PTPRK: variants seen among roughly 807,000 people sequenced by gnomAD.
PTPRK encodes protein tyrosine phosphatase receptor type K, also known as receptor-type tyrosine-protein phosphatase kappa.
Under a neutral mutation model 178.0 loss-of-function variants are expected in PTPRK, and 75 were observed. That is an observed-to-expected ratio of 0.42 (90% CI 0.35 to 0.51). The LOEUF is 0.51. Ranked by LOEUF, PTPRK falls within the 20% of genes least tolerant of loss-of-function variation. The pLI is 0.02. For synonymous variants in PTPRK, 637 were observed against 620.6 expected, an observed-to-expected ratio of 1.03 and a Z score of -0.39; for missense variants, 1,441 against 1,797.8, an observed-to-expected ratio of 0.80 and a Z score of 3.59.
chr6:128,312,733 G>A lies in PTPRK; in HGVS notation c.495+9306C>T, dbSNP rs182810443. On this transcript the variant is annotated intron_variant, in intron 3 of 29. Coordinates refer to ENST00000368226, the MANE Select transcript of PTPRK (RefSeq NM_002844.4). ...TCTTAGTGGACTTTATATTCTCTAA[G>A]GAAAAGTATAAAATTGTTTTCATTT... Among the ~76,000 whole-genome samples, 592 of 151,938 alleles carry A rather than the reference G, an allele frequency of 3.9e-3. 3 individuals carry two copies. The highest frequency in any genetic ancestry group is 0.013 in the African/African-American group (552 of 41,464).
intron 1 of PTPRK, among the ~76,000 whole-genome samples, chr6:128,400,612 AT>A (rs1840892954): frequency 6.6e-6 from 1 of 152,126 alleles, no homozygotes; most frequent in Non-Finnish European, 1.5e-5. Flanking sequence ...GAGGAAAATA[AT>A]TTGTTTCAAC....
chr6:128,208,639 A>G (rs1341950758), intron 6 of PTPRK, among the ~76,000 whole-genome samples: 1 of 152,158 alleles, frequency 6.6e-6, no homozygotes, highest in Non-Finnish European at 1.5e-5. Context: ...TTTTCCATTT[A>G]GTTAAAAAAC....
intron 6 of PTPRK, among the ~76,000 whole-genome samples, chr6:128,198,177 A>C (rs994762517): frequency 6.6e-6 from 1 of 152,176 alleles, no homozygotes; most frequent in African/African-American, 2.4e-5. Flanking sequence ...TATGCCACTA[A>C]GTTTTATGAT....
chr6:128,109,158 G>A (rs1171663353), intron 7 of PTPRK, among the ~76,000 whole-genome samples: 5 of 152,096 alleles, frequency 3.3e-5, no homozygotes, highest in African/African-American at 1.2e-4. Context: ...CAATATTAGA[G>A]TAGCAAAATG....
At chr6:128,350,070 C>T (rs574270886) in intron 2 of PTPRK, among the ~76,000 whole-genome samples, 1 of 152,194 alleles carries the variant, frequency 6.6e-6, no homozygotes, top group South Asian at 2.1e-4. Flanking sequence ...AAACTATGTA[C>T]TAAGTCCATG....
chr6:128,520,402 C>T lies in PTPRK; in HGVS notation c.-44G>A. On this transcript the variant is annotated 5_prime_UTR_variant, in exon 1 of 30. Transcript: ENST00000368226. The stretch of plus-strand genomic sequence containing the variant: ...TTCAAGCAGCTTTGCAAAGAGCTGC[C>T]GGGGGGATCGCCGCGAAATCCACGA... 6.5e-7 allele frequency: 1 copy of T among 1,545,020 alleles called. No homozygotes were observed. The highest frequency in any genetic ancestry group is 8.8e-7 in the Non-Finnish European group (1 of 1,137,450).
At chr6:128,236,343 CTTTTTTTTTTTTT>C (rs35553541) in intron 5 of PTPRK, among the ~76,000 whole-genome samples, 1 of 108,084 alleles carries the variant, frequency 9.3e-6, no homozygotes, top group African/African-American at 3.5e-5. Context: ...TTCTAAATTT[CTTTTTTTTTTTTT>C]TTTTTTTTTT....
intron 2 of PTPRK, among the ~76,000 whole-genome samples, chr6:128,344,440 A>G (rs1832121504): frequency 6.6e-6 from 1 of 152,168 alleles, no homozygotes; most frequent in African/African-American, 2.4e-5. Flanking sequence ...ATGATACCCT[A>G]TAACGTACAA....
chr6:128,310,060 C>G (rs1827007156), intron 3 of PTPRK, among the ~76,000 whole-genome samples: 1 of 152,124 alleles, frequency 6.6e-6, no homozygotes, highest in South Asian at 2.1e-4. Flanking sequence ...CTTTTCTAAG[C>G]TTAGTGAGCT....
chr6:128,128,623 T>C (rs1236289156), intron 7 of PTPRK, among the ~76,000 whole-genome samples: 1 of 152,240 alleles, frequency 6.6e-6, no homozygotes, highest in East Asian at 1.9e-4. Context: ...AAGAAAACTC[T>C]GGTGAACCTC....
intron 1 of PTPRK, among the ~76,000 whole-genome samples, chr6:128,448,152 G>A (rs368083284): frequency 6.6e-6 from 1 of 152,220 alleles, no homozygotes; most frequent in South Asian, 2.1e-4. Context: ...GACTCTCCCA[G>A]TAGATGACGG....
intron 6 of PTPRK, among the ~76,000 whole-genome samples, chr6:128,199,534 T>C (rs1214300073): frequency 1.5e-5 from 2 of 136,922 alleles, no homozygotes; most frequent in African/African-American, 2.7e-5. Context: ...ATATGTTTAA[T>C]ATACACTTTT....
intron 15 of PTPRK, chr6:128,003,304 A>T: frequency 7.7e-7 from 1 of 1,303,274 alleles, no homozygotes; most frequent in Non-Finnish European, 1.1e-6. Context: ...TTTCTTTAAA[A>T]TAGATTTATG....
At chr6:128,391,895 T>TA (rs1187345551) in intron 2 of PTPRK, among the ~76,000 whole-genome samples, 3 of 152,254 alleles carry the variant, frequency 2.0e-5, no homozygotes, top group African/African-American at 7.2e-5. Flanking sequence ...ATGTTACCTA[T>TA]AACTTTTATT....
chr6:128,051,744 A>G (rs1779037423), intron 13 of PTPRK, among the ~76,000 whole-genome samples: 1 of 151,380 alleles, frequency 6.6e-6, no homozygotes, highest in Admixed American at 6.6e-5. Context: ...TGTTTTTACC[A>G]CTCCCAAGTT....
intron 15 of PTPRK, 190 bp downstream of exon 15, chr6:128,004,894 C>A (rs1190189488): frequency 2.9e-5 from 16 of 546,476 alleles, no homozygotes; most frequent in Non-Finnish European, 4.4e-5. Flanking sequence ...TGAAGTTAAA[C>A]TAAATCCAGT....
intron 3 of PTPRK, among the ~76,000 whole-genome samples, chr6:128,278,304 A>C (rs959407007): frequency 2.6e-5 from 4 of 151,854 alleles, no homozygotes; most frequent in African/African-American, 7.3e-5. Context: ...TTACAGGTGC[A>C]CACCACCACG....
intron 1 of PTPRK, among the ~76,000 whole-genome samples, chr6:128,422,676 CA>C (rs750423577): frequency 0.014 from 201 of 14,696 alleles, no homozygotes; most frequent in African/African-American, 0.028. Flanking sequence ...TTCACGGACG[CA>C]AAAAAAAAAA....
intron 1 of PTPRK, among the ~76,000 whole-genome samples, chr6:128,434,790 T>C (rs1054302429): frequency 1.3e-5 from 2 of 151,774 alleles, no homozygotes; most frequent in East Asian, 1.9e-4. Flanking sequence ...AAGGCCAAGG[T>C]GGGAGGATCA....
Sources: allele counts gnomAD v4.1 joint callset (sites outside exome capture counted in the v4.1 genomes callset), GRCh38; gene constraint gnomAD v4.1.1; transcripts MANE v1.5; gene names NCBI Gene and HGNC (gene_info 2026-07-23, HGNC 2026-07-21).